FHIP1A: variants seen among roughly 807,000 people sequenced by gnomAD.
The protein encoded by FHIP1A is FHF complex subunit HOOK interacting protein 1A, also known as FHF complex subunit HOOK-interacting protein 1A.
FHIP1A carries 61 observed loss-of-function variants against 88.6 expected under a neutral mutation model. The ratio of observed to expected loss-of-function variants is 0.69; its 90% CI spans 0.56 to 0.85. The LOEUF (loss-of-function observed/expected upper bound fraction) is 0.85. Among genes scored for constraint, FHIP1A ranks in the 40% least tolerant of loss-of-function variants. FHIP1A has a pLI of 0.00. For synonymous variants in FHIP1A, 478 were observed against 496.0 expected, an observed-to-expected ratio of 0.96 and a Z score of 0.48; for missense variants, 1,154 against 1,273.5, an observed-to-expected ratio of 0.91 and a Z score of 1.43.
intron 10 of FHIP1A, among the ~76,000 whole-genome samples, chr4:151,648,649 T>A (rs1027037572): frequency 4.6e-5 from 7 of 151,858 alleles, no homozygotes; most frequent in Non-Finnish European, 1.0e-4. Context: ...AATTTCTTTA[T>A]CTGAAAATGG....
intron 1 of FHIP1A, among the ~76,000 whole-genome samples, chr4:151,415,683 T>G (rs931817325): frequency 6.6e-6 from 1 of 152,232 alleles, no homozygotes; most frequent in Admixed American, 6.5e-5. Flanking sequence ...TCCCTTCATT[T>G]TTAGTTATAT....
At chr4:151,534,829 G>A (rs908796545) in intron 3 of FHIP1A, 6 of 152,190 alleles carry the variant, frequency 3.9e-5, no homozygotes, top group African/African-American at 1.4e-4. Context: ...TACATCAAAA[G>A]CCTTCAGATA....
intron 7 of FHIP1A, among the ~76,000 whole-genome samples, chr4:151,624,317 A>C (rs1447068491): frequency 2.6e-5 from 4 of 152,228 alleles, no homozygotes; most frequent in Non-Finnish European, 5.9e-5. Flanking sequence ...AGCAGCGCTC[A>C]GTGAGGAAGC....
intron 3 of FHIP1A, among the ~76,000 whole-genome samples, chr4:151,512,113 C>T (rs1731056950): frequency 6.6e-6 from 1 of 152,238 alleles, no homozygotes; most frequent in African/African-American, 2.4e-5. Context: ...GATCAGACAG[C>T]AGCATTCGTG....
At chr4:151,486,976 A>G (rs573017072) in intron 3 of FHIP1A, among the ~76,000 whole-genome samples, 3 of 151,704 alleles carry the variant, frequency 2.0e-5, no homozygotes, top group Admixed American at 1.3e-4. Context: ...TTAAAAAAAA[A>G]AAAAAGAAAA....
At chr4:151,501,853 C>G (rs1730660251) in intron 3 of FHIP1A, among the ~76,000 whole-genome samples, 1 of 148,984 alleles carries the variant, frequency 6.7e-6, no homozygotes, top group Admixed American at 6.7e-5. Flanking sequence ...ATTAGAAAAC[C>G]TGGTTCTCAA....
chr4:151,518,333 G>T (rs1265799731), intron 3 of FHIP1A, among the ~76,000 whole-genome samples: 1 of 152,142 alleles, frequency 6.6e-6, no homozygotes, highest in Admixed American at 6.5e-5. Flanking sequence ...TAGGTGTGTA[G>T]TATACTGTAC....
intron 7 of FHIP1A, among the ~76,000 whole-genome samples, chr4:151,623,379 G>A (rs746849102): frequency 6.6e-6 from 1 of 152,128 alleles, no homozygotes; most frequent in Non-Finnish European, 1.5e-5. Flanking sequence ...ATGCCTGGGA[G>A]GGAATGGGGA....
intron 1 of FHIP1A, among the ~76,000 whole-genome samples, chr4:151,449,937 C>CT (rs966130271): frequency 1.3e-5 from 2 of 151,868 alleles, no homozygotes; most frequent in Non-Finnish European, 2.9e-5. Context: ...TTGCATGTTC[C>CT]TTTTTTTCTC....
chr4:151,522,287 A>G (rs556923647), intron 3 of FHIP1A, among the ~76,000 whole-genome samples: 1 of 152,214 alleles, frequency 6.6e-6, no homozygotes, highest in African/African-American at 2.4e-5. Flanking sequence ...ACTCTAACCG[A>G]CTTTAATCCC....
At chr4:151,415,369 G>A (rs544312714) in intron 1 of FHIP1A, among the ~76,000 whole-genome samples, 1 of 151,950 alleles carries the variant, frequency 6.6e-6, no homozygotes, top group East Asian at 1.9e-4. Context: ...GTATTTTTAG[G>A]AGAGCCAGGG....
intron 7 of FHIP1A, among the ~76,000 whole-genome samples, chr4:151,620,483 C>T (rs1263335132): frequency 6.6e-6 from 1 of 152,170 alleles, no homozygotes; most frequent in Non-Finnish European, 1.5e-5. Context: ...AGCATTTGAC[C>T]CTGACATACC....
At chr4:151,593,708 A>G (rs1734531992) in intron 7 of FHIP1A, among the ~76,000 whole-genome samples, 1 of 152,242 alleles carries the variant, frequency 6.6e-6, no homozygotes, top group South Asian at 2.1e-4. Flanking sequence ...ATCTGCAAAC[A>G]GAGACAATTT....
chr4:151,582,679 A>G (rs1212267955), intron 5 of FHIP1A, among the ~76,000 whole-genome samples: 1 of 152,188 alleles, frequency 6.6e-6, no homozygotes, highest in Non-Finnish European at 1.5e-5. Context: ...AGGGAAAATA[A>G]GTGAAAAATA....
intron 3 of FHIP1A, among the ~76,000 whole-genome samples, chr4:151,493,048 TA>T (rs1297036648): frequency 1.3e-5 from 2 of 152,140 alleles, no homozygotes. Context: ...AAAACTTGAT[TA>T]TTTAAAAAGA....
At chr4:151,496,085 A>T (rs1361213245) in intron 3 of FHIP1A, among the ~76,000 whole-genome samples, 2 of 152,090 alleles carry the variant, frequency 1.3e-5, no homozygotes, top group African/African-American at 4.8e-5. Flanking sequence ...ATCAAGGAAG[A>T]ATAAGCCCAT....
At chr4:151,420,675 C>G (rs1477322207) in intron 1 of FHIP1A, among the ~76,000 whole-genome samples, 6 of 152,176 alleles carry the variant, frequency 3.9e-5, no homozygotes, top group Non-Finnish European at 7.3e-5. Flanking sequence ...ATTATAAACT[C>G]CTTTAGGACT....
At chr4:151,425,359 A>G (rs901697643) in intron 1 of FHIP1A, among the ~76,000 whole-genome samples, 1 of 152,194 alleles carries the variant, frequency 6.6e-6, no homozygotes, top group Non-Finnish European at 1.5e-5. Context: ...AAGAGGAACT[A>G]TTATTAACAG....
At chr4:151,579,983 C>G (rs571702945) in intron 5 of FHIP1A, among the ~76,000 whole-genome samples, 1 of 152,252 alleles carries the variant, frequency 6.6e-6, no homozygotes, top group African/African-American at 2.4e-5. Context: ...TGGGGATATT[C>G]TCCCACATAA....
Sources: allele counts gnomAD v4.1 joint callset (sites outside exome capture counted in the v4.1 genomes callset), GRCh38; gene constraint gnomAD v4.1.1; transcripts MANE v1.5; gene names NCBI Gene and HGNC (gene_info 2026-07-23, HGNC 2026-07-21).